Variants in TMEM135 observed in about 807,000 individuals in gnomAD.
TMEM135 encodes the protein peroxisomal membrane protein 52.
TMEM135 carries 30 observed loss-of-function variants against 60.3 expected under a neutral mutation model. The observed-to-expected ratio is 0.50, with a 90% CI of 0.37 to 0.68. The LOEUF is 0.68. Among genes scored for constraint, TMEM135 ranks in the 30% least tolerant of loss-of-function variants. The pLI is 0.00. For missense variants in TMEM135, 468 were observed against 548.8 expected (o/e 0.85, Z 1.47); for synonymous variants, 190 against 186.7 (o/e 1.02, Z -0.14).
chr11:87,153,994 A>G (rs1175990474), intron 4 of TMEM135, among the ~76,000 whole-genome samples: 1 of 152,198 alleles, frequency 6.6e-6, no homozygotes, highest in Non-Finnish European at 1.5e-5. Flanking sequence ...TACAATGTTA[A>G]GTTTACTGTT....
At chr11:87,233,336 A>G (rs1940928221) in intron 5 of TMEM135, among the ~76,000 whole-genome samples, 1 of 152,088 alleles carries the variant, frequency 6.6e-6, no homozygotes, top group Admixed American at 6.6e-5. Flanking sequence ...ATTTTCTGAT[A>G]GAATAAAAAA....
At chr11:87,038,535 G>A (rs1340776087) in intron 1 of TMEM135, among the ~76,000 whole-genome samples, 1 of 150,952 alleles carries the variant, frequency 6.6e-6, no homozygotes, top group Non-Finnish European at 1.5e-5. Flanking sequence ...GTGATGGAGA[G>A]GTATTTGTAG....
intron 5 of TMEM135, among the ~76,000 whole-genome samples, chr11:87,218,600 C>T (rs1246844399): frequency 6.6e-6 from 1 of 152,122 alleles, no homozygotes; most frequent in Non-Finnish European, 1.5e-5. Flanking sequence ...CCTTTTCTGT[C>T]ACAGTGATTC....
At chr11:87,073,672 ATT>A (rs762258659) in intron 3 of TMEM135, among the ~76,000 whole-genome samples, 1 of 146,836 alleles carries the variant, frequency 6.8e-6, no homozygotes. Flanking sequence ...TGTTTATTTT[ATT>A]TTTTTTTTTT....
intron 4 of TMEM135, among the ~76,000 whole-genome samples, chr11:87,116,906 T>C (rs1234013083): frequency 6.6e-6 from 1 of 151,910 alleles, no homozygotes; most frequent in African/African-American, 2.4e-5. Context: ...CACTGCAACC[T>C]CCGCCTTTTG....
chr11:87,245,708 A>C (rs1941253318), intron 6 of TMEM135, among the ~76,000 whole-genome samples: 1 of 126,466 alleles, frequency 7.9e-6, no homozygotes, highest in Non-Finnish European at 1.7e-5. Context: ...TGCTTGGTAG[A>C]TCTTCCTCCA....
intron 6 of TMEM135, among the ~76,000 whole-genome samples, chr11:87,260,071 AT>A (rs1420930279): frequency 6.6e-6 from 1 of 152,182 alleles, no homozygotes; most frequent in Non-Finnish European, 1.5e-5. Flanking sequence ...TTCTAAAGTG[AT>A]TTGATCACTG....
At chr11:87,073,698 C>G (rs577175464) in intron 3 of TMEM135, among the ~76,000 whole-genome samples, 1 of 151,220 alleles carries the variant, frequency 6.6e-6, no homozygotes, top group African/African-American at 2.4e-5. Flanking sequence ...GACGGAGTCT[C>G]GCTCTGTTGC....
chr11:87,075,888 GTCTCTC>G (rs34170606), intron 3 of TMEM135, among the ~76,000 whole-genome samples: 1 of 150,828 alleles, frequency 6.6e-6, no homozygotes. Context: ...AATAAACAGG[GTCTCTC>G]TCTCTCTCTC....
intron 5 of TMEM135, among the ~76,000 whole-genome samples, chr11:87,180,845 T>C (rs1019336994): frequency 6.6e-6 from 1 of 152,178 alleles, no homozygotes; most frequent in Non-Finnish European, 1.5e-5. Context: ...CAAAAGCCTT[T>C]AGCATGACCA....
At chr11:87,062,504 C>T (rs1278306658) in intron 1 of TMEM135, among the ~76,000 whole-genome samples, 1 of 134,794 alleles carries the variant, frequency 7.4e-6, no homozygotes, top group East Asian at 2.3e-4. Context: ...CACTCTGTCG[C>T]CCAGGTTGGA....
chr11:87,302,534 G>A, intron 8 of TMEM135, 92 bp downstream of exon 8: 1 of 1,501,420 alleles, frequency 6.7e-7, no homozygotes, highest in Non-Finnish European at 9.2e-7. Context: ...TTCTATTCAG[G>A]TAATGATGAT....
chr11:87,051,003 G>T (rs1195498315), intron 1 of TMEM135, among the ~76,000 whole-genome samples: 1 of 87,722 alleles, frequency 1.1e-5, no homozygotes, highest in Admixed American at 1.4e-4. Context: ...ATGCAAGGCT[G>T]GTTCAATATA....
At chr11:87,134,044 G>A (rs984934455) in intron 4 of TMEM135, among the ~76,000 whole-genome samples, 1 of 151,542 alleles carries the variant, frequency 6.6e-6, no homozygotes, top group Non-Finnish European at 1.5e-5. Context: ...AGGGGTGCTG[G>A]TTATATTAGT....
chr11:87,159,631 G>A (rs931814406), intron 5 of TMEM135, among the ~76,000 whole-genome samples: 3 of 107,596 alleles, frequency 2.8e-5, no homozygotes, highest in Admixed American at 1.1e-4. Context: ...TAGATTTTCC[G>A]AGACGGTTGG....
intron 1 of TMEM135, among the ~76,000 whole-genome samples, chr11:87,061,657 A>T (rs957251889): frequency 1.3e-5 from 2 of 152,196 alleles, no homozygotes; most frequent in Non-Finnish European, 2.9e-5. Flanking sequence ...TAAGGCTAAG[A>T]TCATGGGTCT....
chr11:87,193,085 A>T (rs1006338436), intron 5 of TMEM135, among the ~76,000 whole-genome samples: 7 of 152,156 alleles, frequency 4.6e-5, no homozygotes, highest in African/African-American at 1.7e-4. Flanking sequence ...ACTGCACTCC[A>T]GCCTGGGTGA....
At chr11:87,129,995 G>A (rs1242363000) in intron 4 of TMEM135, among the ~76,000 whole-genome samples, 2 of 152,084 alleles carry the variant, frequency 1.3e-5, no homozygotes, top group East Asian at 1.9e-4. Flanking sequence ...AATGCAGAGT[G>A]TATACTCCAA....
At chr11:87,269,504 C>G (rs181931223) in intron 6 of TMEM135, among the ~76,000 whole-genome samples, 1,836 of 151,630 alleles carry the variant, frequency 0.012, 46 homozygotes, top group African/African-American at 0.043. Context: ...CCTCCTCCCA[C>G]CCCACAACAG....
Sources: gnomAD v4.1 joint callset for allele counts (sites outside exome capture counted in the v4.1 genomes callset) on GRCh38, gnomAD v4.1.1 for gene constraint, MANE v1.5 for transcripts, NCBI Gene and HGNC (gene_info 2026-07-23, HGNC 2026-07-21) for gene names.